Variants in FABP6 observed in about 807,000 individuals in gnomAD.
FABP6 encodes gastrotropin.
A neutral mutation model predicts 14.9 loss-of-function variants in FABP6; 13 were observed. The observed-to-expected ratio is 0.87, with a 90% CI of 0.57 to 1.39. The LOEUF is 1.39. FABP6 is among the 40% of genes most tolerant of loss of function. FABP6 has a pLI of 0.00. For synonymous variants in FABP6, 75 were observed against 63.6 expected (o/e 1.18, Z -0.85); for missense variants, 161 against 167.2 (o/e 0.96, Z 0.20).
Position 160,238,715 on chromosome 5 carries a change from C to A in FABP6, c.*56C>A. On this transcript the variant is annotated 3_prime_UTR_variant, in exon 4 of 4. Transcript: ENST00000402432. ...CCCACCAATAAAACTGATATAAGGA[C>A]AGACGCTGCTCGCTCCAGAACCTCT... 1 of 1,557,670 alleles carries A rather than the reference C, an allele frequency of 6.4e-7. No individual in the cohort carries two copies. Among genetic ancestry groups the A allele is most frequent in the Non-Finnish European group, 8.9e-7 (1 of 1,129,150 alleles).
At chr5:160,201,729 A>T (rs1454325989) in intron 2 of FABP6, among the ~76,000 whole-genome samples, 3 of 66,416 alleles carry the variant, frequency 4.5e-5, no homozygotes, top group Non-Finnish European at 1.2e-4. Flanking sequence ...TCTCCAGCCC[A>T]CAGTGAGGTT....
Position 160,235,494 on chromosome 5 carries a change from G to A in FABP6, c.333+585G>A, listed in dbSNP as rs1255243602. Among the ~76,000 whole-genome samples, 6 of 152,250 alleles carry A rather than the reference G, an allele frequency of 3.9e-5. No individual in the cohort carries two copies. The East Asian group carries it at 5.8e-4, about 15-fold the overall frequency. On this transcript the variant is annotated intron_variant, in intron 3 of 3. Transcript: ENST00000402432. ...GGGACCCACTCCTCCTACACTGGAG[G>A]TGGTGCCCTGGGAGGCCCTTCCTCT...
chr5:160,222,477 G>A (rs1760149532), intron 3 of FABP6, among the ~76,000 whole-genome samples: 1 of 152,010 alleles, frequency 6.6e-6, no homozygotes, highest in African/African-American at 2.4e-5. Flanking sequence ...GGGACTACAG[G>A]TGCCCACCAC....
At chr5:160,202,857 C>T (rs1229344340) in intron 2 of FABP6, among the ~76,000 whole-genome samples, 1 of 151,922 alleles carries the variant, frequency 6.6e-6, no homozygotes, top group African/African-American at 2.4e-5. Flanking sequence ...TGGGCAGAAT[C>T]CCATATACAA....
chr5:160,206,954 C>T (rs1189716030), intron 2 of FABP6, among the ~76,000 whole-genome samples: 2 of 152,228 alleles, frequency 1.3e-5, no homozygotes, highest in African/African-American at 2.4e-5. Context: ...CCAGGACCTT[C>T]GTCCATACAG....
chr5:160,237,528 G>A (rs1760543408), intron 3 of FABP6, among the ~76,000 whole-genome samples: 1 of 151,968 alleles, frequency 6.6e-6, no homozygotes, highest in Admixed American at 6.6e-5. Context: ...AGTGCATTTT[G>A]TAAGCATCCC....
At chr5:160,189,117 G>C (rs1463827317) in intron 1 of FABP6, among the ~76,000 whole-genome samples, 1 of 152,080 alleles carries the variant, frequency 6.6e-6, no homozygotes, top group African/African-American at 2.4e-5. Flanking sequence ...ATTCAACTCC[G>C]TCATTGTAGC....
intron 1 of FABP6, among the ~76,000 whole-genome samples, chr5:160,194,922 G>A (rs1179129887): frequency 1.3e-5 from 2 of 152,216 alleles, no homozygotes; most frequent in Non-Finnish European, 2.9e-5. Context: ...CATAGCAGGA[G>A]CTCAAGGAAT....
chr5:160,190,046 T>A (rs1759364905), intron 1 of FABP6, among the ~76,000 whole-genome samples: 6 of 152,176 alleles, frequency 3.9e-5, no homozygotes, highest in Admixed American at 3.9e-4. Flanking sequence ...TAGATCTGCC[T>A]TCAGAGCCCC....
intron 2 of FABP6, among the ~76,000 whole-genome samples, chr5:160,208,782 C>CT (rs57422043): frequency 2.1e-3 from 301 of 142,346 alleles, no homozygotes; most frequent in African/African-American, 4.8e-3. Flanking sequence ...TCTTTCTTTT[C>CT]TTTTTTTTTT....
Position 160,232,208 on chromosome 5 carries a change from A to G in FABP6, c.178A>G (p.Met60Val), listed in dbSNP as rs1283320762. ...WSQHYSGGHT[M>V]TNKFTVGKES... Reference sequence around the variant, plus strand: ...CCAGCACTACTCCGGGGGCCACACCATGACCAACAAGTTCACTGTTGGCAA... The same window carrying G: ...CCAGCACTACTCCGGGGGCCACACCGTGACCAACAAGTTCACTGTTGGCAA... Residue 60 changes from methionine (M) to valine (V), a missense_variant, in exon 2 of 4, where the codon ATG (methionine) becomes GTG (valine). By Grantham distance (21) the Met-to-Val change is conservative (BLOSUM62 1). Coordinates refer to ENST00000402432, the MANE Select transcript of FABP6 (RefSeq NM_001445.3). 1 of 1,613,274 alleles carries G rather than the reference A, an allele frequency of 6.2e-7. No individual in the cohort carries two copies. The highest frequency in any genetic ancestry group is 8.5e-7 in the Non-Finnish European group (1 of 1,179,714).
intron 3 of FABP6, among the ~76,000 whole-genome samples, chr5:160,223,332 C>CCCTTCCTTCCTTCCTTCCTTCCGT: frequency 1.1e-5 from 1 of 93,370 alleles, no homozygotes; most frequent in East Asian, 5.3e-4. Context: ...TTTTTGCCCG[C>CCCTTCCTTCCTTCCTTCCTTCCGT]CCTTCCTTCC....
intron 3 of FABP6, among the ~76,000 whole-genome samples, chr5:160,221,129 G>GAAA (rs1295214721): frequency 1.3e-5 from 2 of 151,300 alleles, no homozygotes. Flanking sequence ...TTGAGGACAG[G>GAAA]TACTTGGTAT....
chr5:160,214,095 CTT>C (rs1296256231), intron 3 of FABP6, among the ~76,000 whole-genome samples: 2 of 52,504 alleles, frequency 3.8e-5, no homozygotes, highest in African/African-American at 7.8e-5. Flanking sequence ...CTTTCTCTTT[CTT>C]TCTTTCTTTC....
chr5:160,225,206 C>A (rs992106034), upstream of FABP6, among the ~76,000 whole-genome samples: 6 of 151,462 alleles, frequency 4.0e-5, no homozygotes, highest in African/African-American at 1.5e-4. Flanking sequence ...AGGCAATTAT[C>A]CTGCCTCAGC....
At chr5:160,214,208 G>A (rs906134461) in intron 3 of FABP6, among the ~76,000 whole-genome samples, 5 of 150,072 alleles carry the variant, frequency 3.3e-5, no homozygotes, top group African/African-American at 1.2e-4. Context: ...CTGTCACCCA[G>A]GCTGAAGTGC....
At chr5:160,204,398 C>T (rs1443327881) in intron 2 of FABP6, among the ~76,000 whole-genome samples, 2 of 152,102 alleles carry the variant, frequency 1.3e-5, no homozygotes, top group African/African-American at 2.4e-5. Flanking sequence ...TGAAATTCCA[C>T]GAAGGGCACA....
chr5:160,232,629 G>T (rs1760416664), intron 2 of FABP6, among the ~76,000 whole-genome samples: 1 of 152,182 alleles, frequency 6.6e-6, no homozygotes, highest in Non-Finnish European at 1.5e-5. Flanking sequence ...AGGCACAGTG[G>T]CTCATGCCTG....
intron 2 of FABP6, among the ~76,000 whole-genome samples, chr5:160,233,296 T>C (rs1475681396): frequency 1.3e-5 from 2 of 152,036 alleles, no homozygotes; most frequent in East Asian, 3.9e-4. Context: ...GCTTTTTTTA[T>C]GCTGCCTCTC....
Sources: gnomAD v4.1 joint callset for allele counts (sites outside exome capture counted in the v4.1 genomes callset) on GRCh38, gnomAD v4.1.1 for gene constraint, MANE v1.5 for transcripts, NCBI Gene and HGNC (gene_info 2026-07-23, HGNC 2026-07-21) for gene names.